Variants in CSMD1 observed in about 807,000 individuals in gnomAD.
CSMD1 encodes the protein CUB and Sushi multiple domains 1.
A neutral mutation model predicts 417.5 loss-of-function variants in CSMD1; 213 were observed. That is an observed-to-expected ratio of 0.51 (90% CI 0.46 to 0.57). The LOEUF is 0.57. Ranked by LOEUF, CSMD1 falls within the 20% of genes least tolerant of loss-of-function variation. The pLI is 0.00. For missense variants in CSMD1, 6,923 were observed against 4,529.7 expected (o/e 1.53, Z -15.17); for synonymous variants, 2,862 against 1,736.8 (o/e 1.65, Z -16.11).
At chr8:3,708,179 G>C (rs79519582) in intron 7 of CSMD1, among the ~76,000 whole-genome samples, 315 of 152,312 alleles carry the variant, frequency 2.1e-3, no homozygotes, top group African/African-American at 7.4e-3. Context: ...TCCAGTCTCA[G>C]ACAGTGATCA....
chr8:3,493,550 C>T, intron 11 of CSMD1, 73 bp downstream of exon 11: 26 of 1,274,672 alleles, frequency 2.0e-5, no homozygotes, highest in Middle Eastern at 1.8e-4. Context: ...AAGCCTGTAG[C>T]AGAATCTCAT....
intron 6 of CSMD1, among the ~76,000 whole-genome samples, chr8:3,719,814 A>C (rs536005484): frequency 2.0e-5 from 3 of 152,350 alleles, no homozygotes; most frequent in African/African-American, 7.2e-5. Context: ...GATCTTTAAC[A>C]GGAAAAATCT....
chr8:4,190,780 G>C (rs978620383), intron 3 of CSMD1, among the ~76,000 whole-genome samples: 10 of 152,122 alleles, frequency 6.6e-5, no homozygotes, highest in African/African-American at 2.4e-4. Flanking sequence ...ATTATAAAAT[G>C]AGAGCATGTC....
At chr8:4,602,736 T>C (rs1013635877) in intron 2 of CSMD1, among the ~76,000 whole-genome samples, 5 of 152,152 alleles carry the variant, frequency 3.3e-5, no homozygotes, top group African/African-American at 1.2e-4. Context: ...CACCAGCATC[T>C]ACAGATAACT....
Position 3,032,556 on chromosome 8 carries a change from G to A in CSMD1, c.7661-3043C>T, listed in dbSNP as rs184223838. On this transcript the variant is annotated intron_variant, in intron 50 of 69. Transcript: ENST00000635120. ...TAACAGAACTGTGACTCTCGCGAGA[G>A]GGTACTGAATTCAAATAAAAACAGA... Among the ~76,000 whole-genome samples, 139 of 152,092 alleles carry A rather than the reference G, an allele frequency of 9.1e-4. 1 individual carries two copies. Among genetic ancestry groups the A allele is most frequent in the Middle Eastern group, 6.8e-3 (2 of 294 alleles).
At chr8:4,408,293 C>G (rs1049741096) in intron 3 of CSMD1, among the ~76,000 whole-genome samples, 32 of 152,094 alleles carry the variant, frequency 2.1e-4, no homozygotes, top group African/African-American at 7.2e-4. Flanking sequence ...TATGAAAGAA[C>G]CAGTGTCAAA....
intron 42 of CSMD1, among the ~76,000 whole-genome samples, chr8:3,117,991 C>G (rs1214036739): frequency 2.0e-5 from 3 of 152,138 alleles, no homozygotes; most frequent in African/African-American, 7.2e-5. Context: ...AAAAGCTAAA[C>G]AAAAAGAAAC....
At chr8:3,840,069 T>A (rs1282585136) in intron 5 of CSMD1, among the ~76,000 whole-genome samples, 1 of 152,152 alleles carries the variant, frequency 6.6e-6, no homozygotes, top group Non-Finnish European at 1.5e-5. Flanking sequence ...TAATATATAA[T>A]AGCTCTGCCT....
intron 52 of CSMD1, among the ~76,000 whole-genome samples, chr8:3,012,639 C>T (rs1210118622): frequency 6.6e-6 from 1 of 152,156 alleles, no homozygotes; most frequent in Non-Finnish European, 1.5e-5. Context: ...GTATACAGCC[C>T]AAGGGAAGTT....
intron 37 of CSMD1, among the ~76,000 whole-genome samples, chr8:3,180,177 G>T (rs114813997): frequency 3.3e-5 from 5 of 152,104 alleles, no homozygotes; most frequent in Admixed American, 3.3e-4. Flanking sequence ...TTCTTATTTC[G>T]CTTTTACAAG....
chr8:3,774,224 T>C (rs547416814), intron 5 of CSMD1, among the ~76,000 whole-genome samples: 1 of 152,264 alleles, frequency 6.6e-6, no homozygotes, highest in African/African-American at 2.4e-5. Flanking sequence ...ATCCAACAAC[T>C]TTTGGCTCAA....
chr8:3,214,489 G>T lies in CSMD1; in HGVS notation c.4867+8C>A. ...GTATTTCTAGAAAATACCCAAGCGT[G>T]CACTCACCATTGCAGGAGGGCAGCA... On this transcript the variant is annotated splice_region_variant and intron_variant, in intron 30 of 69. Coordinates refer to ENST00000635120, the MANE Select transcript of CSMD1 (RefSeq NM_033225.6). 6.3e-7 allele frequency: 1 copy of T among 1,576,756 alleles called. No homozygotes were observed. Among genetic ancestry groups the T allele is most frequent in the Non-Finnish European group, 8.6e-7 (1 of 1,162,056 alleles).
chr8:3,378,721 A>G (rs965550796), intron 18 of CSMD1, among the ~76,000 whole-genome samples: 15 of 152,216 alleles, frequency 9.9e-5, no homozygotes, highest in Admixed American at 6.5e-4. Context: ...AAAACTCTCA[A>G]TAAACTAGGT....
At position 2,966,751 on chromosome 8, in the gene CSMD1, T is replaced by C. The variant is rs1047579641; in HGVS notation, c.8924-5A>G. On this transcript the variant is annotated splice_region_variant and splice_polypyrimidine_tract_variant and intron_variant, in intron 57 of 69. Transcript: ENST00000635120. ...CAGGGTTGCCACAGGACACGGCTGTTAGGCAAACAAGAACACCACCACACA... is the reference window on the plus strand; with the variant it reads ...CAGGGTTGCCACAGGACACGGCTGTCAGGCAAACAAGAACACCACCACACA... 2 of 1,612,218 alleles carry C rather than the reference T, an allele frequency of 1.2e-6. No homozygotes were observed. Among genetic ancestry groups the C allele is most frequent in the Non-Finnish European group, 1.7e-6 (2 of 1,179,210 alleles).
At chr8:3,573,001 C>T (rs1486979807) in intron 10 of CSMD1, among the ~76,000 whole-genome samples, 1 of 149,308 alleles carries the variant, frequency 6.7e-6, no homozygotes, top group Non-Finnish European at 1.5e-5. Flanking sequence ...TAGTTATATA[C>T]TATATAATTT....
intron 2 of CSMD1, among the ~76,000 whole-genome samples, chr8:4,474,307 T>C (rs187914919): frequency 2.0e-5 from 3 of 152,120 alleles, no homozygotes; most frequent in Non-Finnish European, 4.4e-5. Context: ...ACGTTCCAAA[T>C]AGAAAAAAAA....
chr8:4,596,945 C>G (rs1292232127), intron 2 of CSMD1, among the ~76,000 whole-genome samples: 1 of 152,124 alleles, frequency 6.6e-6, no homozygotes, highest in African/African-American at 2.4e-5. Flanking sequence ...TTGTTTCTTC[C>G]TCATTTTCTC....
At chr8:4,062,237 T>A (rs182927842) in intron 3 of CSMD1, among the ~76,000 whole-genome samples, 1 of 152,210 alleles carries the variant, frequency 6.6e-6, no homozygotes, top group Non-Finnish European at 1.5e-5. Flanking sequence ...CAAGTCTAAT[T>A]TCCTCAGAGT....
intron 1 of CSMD1, among the ~76,000 whole-genome samples, chr8:4,769,383 G>A (rs1401765537): frequency 2.6e-5 from 4 of 152,070 alleles, no homozygotes; most frequent in African/African-American, 9.7e-5. Flanking sequence ...TTATGCATGA[G>A]GAGCAAACAA....
Sources: gnomAD v4.1 joint callset for allele counts (sites outside exome capture counted in the v4.1 genomes callset) on GRCh38, gnomAD v4.1.1 for gene constraint, MANE v1.5 for transcripts, NCBI Gene and HGNC (gene_info 2026-07-23, HGNC 2026-07-21) for gene names.